The following LAP3 variants were observed in gnomAD, a reference collection of about 807,000 sequenced individuals.
LAP3 encodes the protein cytosol aminopeptidase.
LAP3 carries 46 observed loss-of-function variants against 58.8 expected under a neutral mutation model. The observed-to-expected ratio is 0.78, with a 90% CI of 0.62 to 1.00. The LOEUF is 1.00. Among genes scored for constraint, LAP3 ranks in the 50% least tolerant of loss-of-function variants. The pLI, the probability that LAP3 is intolerant of heterozygous loss-of-function variation, is 0.00. For missense variants in LAP3, 615 were observed against 659.1 expected (o/e 0.93, Z 0.73); for synonymous variants, 257 against 237.7 (o/e 1.08, Z -0.75).
At chr4:17,588,052 A>G (rs549513855) in intron 6 of LAP3, among the ~76,000 whole-genome samples, 10 of 151,840 alleles carry the variant, frequency 6.6e-5, no homozygotes, top group African/African-American at 2.2e-4. Context: ...TTTAAGAGAC[A>G]GGGTGTTGCT....
At chr4:17,596,133 G>A (rs989678506) in intron 8 of LAP3, among the ~76,000 whole-genome samples, 1 of 151,964 alleles carries the variant, frequency 6.6e-6, no homozygotes, top group African/African-American at 2.4e-5. Flanking sequence ...TCTCAGACAT[G>A]CCCCCCTCCT....
At position 17,595,529 on chromosome 4, in the gene LAP3, T is replaced by G. The variant is rs201317146; in HGVS notation, c.983T>G (p.Ile328Ser). 17 of 1,613,786 alleles carry G rather than the reference T, an allele frequency of 1.1e-5. No homozygotes were observed. The highest frequency in any genetic ancestry group is 1.4e-5 in the Non-Finnish European group (17 of 1,179,818). ...SAAKLNLPIN[I>S]IGLAPLCENM... ...GCAAAGCTTAATTTGCCCATTAATA[T>G]TATAGGTAAGTGGGGTAACGGATTA... Residue 328 changes from isoleucine to serine, a missense_variant, in exon 8 of 13, where the codon ATT (isoleucine) becomes AGT (serine). By Grantham distance (142) the Ile-to-Ser change is moderately radical. Transcript: ENST00000226299.
chr4:17,582,009 G>A, intron 3 of LAP3, 195 bp downstream of exon 3: 1 of 600,038 alleles, frequency 1.7e-6, no homozygotes, highest in Non-Finnish European at 2.9e-6. Flanking sequence ...TCAATCTGAA[G>A]GCTTTCTTTA....
chr4:17,604,336 T>G (rs4698627), intron 10 of LAP3, among the ~76,000 whole-genome samples: 1 of 150,266 alleles, frequency 6.7e-6, no homozygotes, highest in Non-Finnish European at 1.5e-5. Context: ...GGTTAACAGT[T>G]ATCCCTAAAA....
chr4:17,577,205 A>AATGCGGGCGCACACGT lies in LAP3; in HGVS notation c.-246_-245insTATGCGGGCGCACACG. On this transcript the variant is annotated 5_prime_UTR_variant, in exon 1 of 13. It adds an upstream start codon to the 5' untranslated region. Transcript: ENST00000226299. The stretch of plus-strand genomic sequence containing the variant: ...CCGCCCGCATGCGCGGGCGCACACG[A>AATGCGGGCGCACACGT]ATGCGGGCGCACACGAATGCGGGCG... 3.4e-6 allele frequency: 1 copy of AATGCGGGCGCACACGT among 298,362 alleles called. No individual in the cohort carries two copies. Among genetic ancestry groups the AATGCGGGCGCACACGT allele is most frequent in the Non-Finnish European group, 5.6e-6 (1 of 177,828 alleles). 18.5% of individuals were successfully genotyped at this position (298,362 alleles called of 1,614,324 possible).
intron 7 of LAP3, among the ~76,000 whole-genome samples, chr4:17,591,352 A>G (rs966733248): frequency 1.3e-5 from 2 of 150,992 alleles, no homozygotes; most frequent in African/African-American, 4.9e-5. Context: ...CATGTTGGCC[A>G]GGCTCGTCTC....
At chr4:17,589,646 G>T (rs1713626916) in intron 7 of LAP3, among the ~76,000 whole-genome samples, 1 of 151,796 alleles carries the variant, frequency 6.6e-6, no homozygotes, top group Non-Finnish European at 1.5e-5. Flanking sequence ...AAAATATAGA[G>T]ATGAGTTTTC....
At position 17,603,586 on chromosome 4, in the gene LAP3, A is replaced by G. The variant is rs1714032703; in HGVS notation, c.1181-1002A>G. On this transcript the variant is annotated intron_variant, in intron 10 of 12. Coordinates refer to ENST00000226299, the MANE Select transcript of LAP3 (RefSeq NM_015907.3). ...ATGGTGCAATCTCGGCTCTCACCAC[A>G]GCCTCTGCCTCCCAGGTTCAAGCGG... 1.3e-4 allele frequency among the ~76,000 whole-genome samples: 20 copies of G among 149,212 alleles called. No individual in the cohort carries two copies. The Admixed American group carries it at 1.4e-3, about 10-fold the overall frequency.
intron 2 of LAP3, 126 bp from the exon 3 acceptor site, chr4:17,581,634 C>A: frequency 1.9e-5 from 12 of 640,892 alleles, no homozygotes; most frequent in South Asian, 4.1e-5. Flanking sequence ...TGGATAAAAA[C>A]ATAAGTGAAA....
At position 17,593,812 on chromosome 4, in the gene LAP3, C is replaced by T. The variant is rs190482889; in HGVS notation, c.864-1598C>T. Among the ~76,000 whole-genome samples the T allele has an allele frequency of 1.8e-4, 28 of 151,784 alleles. 1 individual carries two copies. The highest frequency in any genetic ancestry group is 1.4e-3 in the Admixed American group (22 of 15,210). On this transcript the variant is annotated intron_variant, in intron 7 of 12. Transcript: ENST00000226299. ...ATTTTTTATAGAGATGGGGTTTTGC[C>T]GTGTTGCCCAAGCTGGTCTCGAACT... is the stretch of plus-strand genomic sequence containing the variant.
At chr4:17,580,185 T>TATATATATA in intron 2 of LAP3, among the ~76,000 whole-genome samples, 2 of 32,024 alleles carry the variant, frequency 6.2e-5, no homozygotes, top group African/African-American at 1.8e-4. Context: ...TATATATGTA[T>TATATATATA]TTTTTTTTTT....
rs1714181560 is a variant in LAP3, at chr4:17,607,747, T to G, written c.*158T>G. 3.7e-6 allele frequency: 2 copies of G among 547,836 alleles called. No individual in the cohort carries two copies. The highest frequency in any genetic ancestry group is 6.2e-6 in the Non-Finnish European group (2 of 320,224). The allele number at this position is 547,836 out of a possible 1,614,324, so 33.9% of individuals were successfully genotyped here. ...TTGTATGCCTTGATTTTTTTTTCAT[T>G]TCACACAAAGATTTATAAAGGTAAA... On this transcript the variant is annotated 3_prime_UTR_variant, in exon 13 of 13. Transcript: ENST00000226299.
chr4:17,594,253 G>A (rs569999525), intron 7 of LAP3, among the ~76,000 whole-genome samples: 1 of 152,268 alleles, frequency 6.6e-6, no homozygotes, highest in African/African-American at 2.4e-5. Context: ...TGTGGCAGGT[G>A]GACAGAAGAA....
In LAP3 at chr4:17,577,232, A is replaced by C; in HGVS notation, c.-234A>C. 5.3e-6 allele frequency: 2 copies of C among 374,368 alleles called. No individual in the cohort carries two copies. The highest frequency in any genetic ancestry group is 6.3e-5 in the South Asian group (1 of 15,800). 23.2% of individuals were successfully genotyped at this position (374,368 alleles called of 1,614,324 possible). A position where few individuals can be genotyped will look rare whatever the true frequency, so the allele number is the denominator to read the frequency against. On this transcript the variant is annotated 5_prime_UTR_variant, in exon 1 of 13. Transcript: ENST00000226299. ...TGCGGGCGCACACGAATGCGGGCGC[A>C]CACGAATGCGGGCGCACCCTTGAGT... is the stretch of plus-strand genomic sequence containing the variant.
In LAP3 at chr4:17,588,808, C is replaced by T. The variant is rs376683510; in HGVS notation, c.705-11C>T. On this transcript the variant is annotated splice_polypyrimidine_tract_variant and intron_variant, in intron 6 of 12. Transcript: ENST00000226299. ...CAGTATATTTACTTTTTCCCTCTTT[C>T]TACCCTATAGACCCAAGTCTTGGAT... 1.2e-6 allele frequency: 2 copies of T among 1,604,274 alleles called. No homozygotes were observed. The highest frequency in any genetic ancestry group is 3.4e-5 in the Admixed American group (2 of 57,990).
chr4:17,595,489 G>A lies in LAP3; in HGVS notation c.943G>A (p.Ala315Thr). The stretch of plus-strand genomic sequence containing the variant: ...GGGAGGAGCTGCAACTATATGCTCA[G>A]CCATCGTGTCTGCTGCAAAGCTTAA... Reference protein sequence around the residue: ...DMGGAATICSAIVSAAKLNLP... With the variant: ...DMGGAATICSTIVSAAKLNLP... Residue 315 changes from alanine (A) to threonine (T), a missense_variant, in exon 8 of 13, where the codon GCC becomes ACC. Coordinates refer to ENST00000226299, the MANE Select transcript of LAP3 (RefSeq NM_015907.3). The A allele has an allele frequency of 6.2e-7, 1 of 1,614,038 alleles. No homozygotes were observed. The highest frequency in any genetic ancestry group is 8.5e-7 in the Non-Finnish European group (1 of 1,179,976).
intron 6 of LAP3, 49 bp downstream of exon 6, chr4:17,585,185 C>T (rs1399598945): frequency 4.8e-6 from 7 of 1,454,400 alleles, no homozygotes; most frequent in Non-Finnish European, 6.7e-6. Flanking sequence ...CCAGAAGGAG[C>T]CCTTGAGATC....
chr4:17,577,455 G>A lies in LAP3; in HGVS notation c.-11G>A. On this transcript the variant is annotated 5_prime_UTR_variant, in exon 1 of 13. Transcript: ENST00000226299. ...TCGCTGGAGGGCGGTGCGAGGGGCC[G>A]AGCCGACAAGATGTTCTTGCTGCCT... 6.4e-7 allele frequency: 1 copy of A among 1,550,564 alleles called. No individual in the cohort carries two copies. Among genetic ancestry groups the A allele is most frequent in the Non-Finnish European group, 8.7e-7 (1 of 1,148,896 alleles).
chr4:17,577,479 C>T lies in LAP3; in HGVS notation c.14C>T (p.Pro5Leu), dbSNP rs1201914327. The change falls in exon 1 of 13, where the codon CCT becomes CTT. Residue 5 changes from proline to leucine, a missense_variant. Transcript: ENST00000226299. MFLL[P>L]LPAAGRVVVR... ...CGAGCCGACAAGATGTTCTTGCTGCCTCTTCCGGCTGCGGGGCGAGTAGTC... is the reference window on the plus strand; with the variant it reads ...CGAGCCGACAAGATGTTCTTGCTGCTTCTTCCGGCTGCGGGGCGAGTAGTC... 3 of 1,580,032 alleles carry T rather than the reference C, an allele frequency of 1.9e-6. No individual in the cohort carries two copies. The highest frequency in any genetic ancestry group is 1.8e-5 in the Admixed American group (1 of 55,634).
Sources: allele counts gnomAD v4.1 joint callset (sites outside exome capture counted in the v4.1 genomes callset), GRCh38; gene constraint gnomAD v4.1.1; transcripts MANE v1.5; gene names NCBI Gene and HGNC (gene_info 2026-07-23, HGNC 2026-07-21).